SYNPO: variants seen among roughly 807,000 people sequenced by gnomAD.
SYNPO encodes synaptopodin.
Under a neutral mutation model 49.5 loss-of-function variants are expected in SYNPO, and 19 were observed. The observed-to-expected ratio is 0.38, with a 90% confidence interval of 0.27 to 0.56. The LOEUF (loss-of-function observed/expected upper bound fraction) is 0.56, where lower values mean the gene tolerates loss of function less well. Among genes scored for constraint, SYNPO ranks in the 20% least tolerant of loss-of-function variants. The pLI is 0.68. For missense variants in SYNPO, 1,131 were observed against 1,248.3 expected, an observed-to-expected ratio of 0.91 and a Z score of 1.42; for synonymous variants, 536 against 548.0, an observed-to-expected ratio of 0.98 and a Z score of 0.31.
At chr5:150,618,893 G>A in intron 2 of SYNPO, 1 of 1,240,614 alleles carries the variant, frequency 8.1e-7, no homozygotes, top group Non-Finnish European at 1.1e-6. Flanking sequence ...CCATGGGCAT[G>A]CCCAGATTAA....
chr5:150,654,351 A>AGC (rs138409250), intron 2 of SYNPO: 2 of 106,562 alleles, frequency 1.9e-5, no homozygotes, highest in Admixed American at 9.0e-5. Flanking sequence ...GCCTTTGAGC[A>AGC]GCACACACAC....
intron 2 of SYNPO, among the ~76,000 whole-genome samples, chr5:150,655,615 A>G (rs1354208154): frequency 6.6e-6 from 1 of 152,110 alleles, no homozygotes; most frequent in African/African-American, 2.4e-5. Flanking sequence ...CCATTTCCTA[A>G]CAGGTGACCA....
Position 150,648,934 on chromosome 5 carries a change from A to G in SYNPO, c.659A>G (p.Lys220Arg). 1 of 1,614,204 alleles carries G rather than the reference A, an allele frequency of 6.2e-7. No homozygotes were observed. Among genetic ancestry groups the G allele is most frequent in the South Asian group, 1.1e-5 (1 of 91,080 alleles). Residue 220 changes from lysine (K) to arginine (R), a missense_variant, in exon 2 of 3, where the codon AAG (lysine) becomes AGG (arginine). Physicochemically the swap from Lys to Arg is conservative, Grantham distance 26 (BLOSUM62 2). Transcript: ENST00000307662. This position sits in a 1 kb window ranked among gnomAD's most constrained non-coding sequence, Gnocchi z 5.0. The part of the protein sequence containing the change: ...SGRAAATTPT[K>R]VYSEVHFTLA... ...CGAGCAGCTGCCACCACGCCCACCA[A>G]GGTCTACAGTGAGGTCCACTTCACA...
upstream of SYNPO, among the ~76,000 whole-genome samples, chr5:150,600,351 C>G (rs1470286643): frequency 6.6e-6 from 1 of 152,230 alleles, no homozygotes; most frequent in Non-Finnish European, 1.5e-5. Context: ...CAGGCGGGCA[C>G]TCTCCCAGCC....
At chr5:150,618,105 T>G in exon 2 of SYNPO, 1 of 414,482 alleles carries the variant, frequency 2.4e-6, no homozygotes, top group East Asian at 3.8e-5. Flanking sequence ...GCCGATAGAT[T>G]GCCCCAAAGC....
At chr5:150,605,053 GA>G (rs1321804829) in intron 1 of SYNPO, among the ~76,000 whole-genome samples, 2 of 152,202 alleles carry the variant, frequency 1.3e-5, no homozygotes, top group East Asian at 3.8e-4. Flanking sequence ...TTATGCGGAT[GA>G]AATGAGCCAA....
Position 150,649,091 on chromosome 5 carries a change from C to T in SYNPO, c.816C>T (p.Pro272=), listed in dbSNP as rs1174541242. 1.9e-6 allele frequency: 3 copies of T among 1,613,908 alleles called. No individual in the cohort carries two copies. The South Asian group carries it at 3.3e-5, about 18-fold the overall frequency. ...ATTTTGGGGAGAAGGCCCCGGCTCC[C>T]CAGCCCCCCAGTTTGCCAGACAGGA... ...RRHFGEKAPA[P]QPPSLPDRSP... Residue 272 remains proline, a synonymous_variant, in exon 2 of 3, where the codon CCC becomes CCT. Transcript: ENST00000307662.
chr5:150,630,734 C>A (rs1757510282), intron 2 of SYNPO, among the ~76,000 whole-genome samples: 1 of 152,138 alleles, frequency 6.6e-6, no homozygotes, highest in African/African-American at 2.4e-5. Flanking sequence ...CCATCCCTGC[C>A]CAGCCTCCAG....
At chr5:150,621,073 C>T (rs1174732605) in intron 2 of SYNPO, among the ~76,000 whole-genome samples, 2 of 151,788 alleles carry the variant, frequency 1.3e-5, no homozygotes, top group African/African-American at 2.4e-5. Context: ...CTGCCTCAGC[C>T]TCCCAAGTAG....
chr5:150,596,851 G>A (rs1359877578), upstream of SYNPO, among the ~76,000 whole-genome samples: 1 of 152,208 alleles, frequency 6.6e-6, no homozygotes, highest in Non-Finnish European at 1.5e-5. Context: ...GAAGGTAAGG[G>A]AAGATAGTGT....
intron 2 of SYNPO, among the ~76,000 whole-genome samples, chr5:150,634,466 A>G (rs1757642280): frequency 6.6e-6 from 1 of 152,142 alleles, no homozygotes; most frequent in African/African-American, 2.4e-5. Context: ...GCTAAGGTGT[A>G]TGGTGCTATG....
upstream of SYNPO, among the ~76,000 whole-genome samples, chr5:150,596,528 A>G (rs1561626362): frequency 6.6e-6 from 1 of 152,016 alleles, no homozygotes; most frequent in African/African-American, 2.4e-5. Context: ...TCTGCTCAGG[A>G]AGTCCACCCC....
At chr5:150,629,086 A>G (rs1472229878) in intron 2 of SYNPO, among the ~76,000 whole-genome samples, 1 of 152,066 alleles carries the variant, frequency 6.6e-6, no homozygotes, top group Non-Finnish European at 1.5e-5. Flanking sequence ...TGGCATGATT[A>G]TGGCTCACTG....
At chr5:150,624,848 G>A in intron 2 of SYNPO, 2 of 984,852 alleles carry the variant, frequency 2.0e-6, no homozygotes, top group Non-Finnish European at 2.4e-6. Flanking sequence ...TGACGGACGC[G>A]GCCAGGTGTG....
intron 1 of SYNPO, among the ~76,000 whole-genome samples, chr5:150,612,454 A>T (rs1453059379): frequency 1.3e-5 from 2 of 152,082 alleles, no homozygotes; most frequent in African/African-American, 4.8e-5. Context: ...CCTCTCTTTC[A>T]TTCGTTCATC....
intron 2 of SYNPO, chr5:150,651,643 G>A (rs1186502410): frequency 1.0e-6 from 1 of 1,001,790 alleles, no homozygotes; most frequent in East Asian, 1.1e-4. Context: ...GACAGTAGGA[G>A]CATGGCAGGA....
upstream of SYNPO, among the ~76,000 whole-genome samples, chr5:150,639,771 A>C (rs1223510878): frequency 6.6e-6 from 1 of 152,214 alleles, no homozygotes; most frequent in Non-Finnish European, 1.5e-5. Flanking sequence ...TTTCATGTTT[A>C]TTCTGCAAGT....
chr5:150,591,509 C>A, the SYNPO span, among the ~76,000 whole-genome samples: 6 of 152,248 alleles, frequency 3.9e-5, no homozygotes, highest in Admixed American at 6.5e-5. Context: ...GCAGAAGCGC[C>A]GTCTCAGATA....
chr5:150,649,297 C>A lies in SYNPO; in HGVS notation c.1022C>A (p.Ser341Tyr). Residue 341 changes from serine to tyrosine, a missense_variant, in exon 2 of 3, where the codon TCT becomes TAT. Physicochemically the swap from Ser to Tyr is moderately radical, Grantham distance 144. Transcript: ENST00000307662. ...TGGGTGAGGTCTCCTCCCTCATATTCTGTCCTGTATCCCAGCTCCGACCCC... is the reference window on the plus strand; with the variant it reads ...TGGGTGAGGTCTCCTCCCTCATATTATGTCCTGTATCCCAGCTCCGACCCC... ...ASWVRSPPSYSVLYPSSDPKS... is the reference protein window; with the variant it reads ...ASWVRSPPSYYVLYPSSDPKS... The A allele has an allele frequency of 6.2e-7, 1 of 1,614,264 alleles. No homozygotes were observed. Among genetic ancestry groups the A allele is most frequent in the Non-Finnish European group, 8.5e-7 (1 of 1,180,046 alleles).
Sources: gnomAD v4.1 joint callset for allele counts (sites outside exome capture counted in the v4.1 genomes callset) on GRCh38, gnomAD v4.1.1 for gene constraint, Gnocchi (gnomAD v3.1) non-coding constraint, MANE v1.5 for transcripts, NCBI Gene and HGNC (gene_info 2026-07-23, HGNC 2026-07-21) for gene names.